The following CHP1 variants were observed in gnomAD, a reference collection of about 807,000 sequenced individuals.
CHP1 encodes the protein calcineurin B homologous protein 1.
CHP1 carries 11 observed loss-of-function variants against 27.4 expected under a neutral mutation model. The ratio of observed to expected loss-of-function variants is 0.40; its 90% CI spans 0.25 to 0.67. The LOEUF (loss-of-function observed/expected upper bound fraction) is 0.67. Among genes scored for constraint, CHP1 ranks in the 30% least tolerant of loss-of-function variants. CHP1 has a pLI of 0.38. For missense variants in CHP1, 169 were observed against 251.3 expected (o/e 0.67, Z 2.22); for synonymous variants, 89 against 87.4 (o/e 1.02, Z -0.10).
intron 5 of CHP1, 63 bp from the exon 6 acceptor site, chr15:41,278,704 A>G: frequency 6.2e-7 from 1 of 1,602,466 alleles, no homozygotes; most frequent in South Asian, 1.1e-5. Flanking sequence ...TTTATTTTTA[A>G]TCTTAGTAAA....
At chr15:41,273,484 C>T (rs528617401) in intron 5 of CHP1, among the ~76,000 whole-genome samples, 4 of 152,050 alleles carry the variant, frequency 2.6e-5, no homozygotes, top group South Asian at 2.1e-4. Context: ...CAAGTTCAAG[C>T]GATTCTCCTG....
intron 5 of CHP1, among the ~76,000 whole-genome samples, chr15:41,275,139 G>A (rs1365053882): frequency 6.6e-6 from 1 of 151,836 alleles, no homozygotes; most frequent in Non-Finnish European, 1.5e-5. Context: ...TACCTAAAAT[G>A]TACAACTTCC....
chr15:41,272,863 A>G (rs1305115542), intron 5 of CHP1, among the ~76,000 whole-genome samples: 1 of 151,538 alleles, frequency 6.6e-6, no homozygotes, highest in Non-Finnish European at 1.5e-5. Context: ...CCTGGCTAAC[A>G]TGGTGAAACC....
chr15:41,251,923 A>G (rs1184519041), intron 2 of CHP1, among the ~76,000 whole-genome samples: 1 of 150,658 alleles, frequency 6.6e-6, no homozygotes, highest in Non-Finnish European at 1.5e-5. Context: ...TGTATTTTTA[A>G]TAGAGACAGG....
intron 3 of CHP1, among the ~76,000 whole-genome samples, 165 bp downstream of exon 3, chr15:41,257,155 C>T (rs1323452372): frequency 1.3e-5 from 2 of 152,128 alleles, no homozygotes; most frequent in Non-Finnish European, 2.9e-5. Context: ...TTCTGTTCTA[C>T]CCTCCTGTGT....
chr15:41,264,256 T>G (rs1302816312), intron 4 of CHP1: 1 of 1,270,242 alleles, frequency 7.9e-7, no homozygotes, highest in African/African-American at 1.5e-5. Context: ...CCCCTCACTT[T>G]GATAAGTCAG....
intron 3 of CHP1, among the ~76,000 whole-genome samples, chr15:41,258,652 A>C (rs1458237200): frequency 1.3e-5 from 2 of 152,174 alleles, no homozygotes; most frequent in Admixed American, 1.3e-4. Context: ...TTTACTACCT[A>C]ATACACTGCC....
At chr15:41,256,634 T>G in intron 2 of CHP1, 1 of 445,350 alleles carries the variant, frequency 2.2e-6, no homozygotes. Context: ...GACAGCTTAG[T>G]ATTTGTCCAT....
intron 5 of CHP1, 93 bp downstream of exon 5, chr15:41,270,711 T>A: frequency 2.1e-6 from 2 of 968,244 alleles, no homozygotes; most frequent in Non-Finnish European, 3.3e-6. Context: ...AGCATTTATT[T>A]AATACCTGCT....
chr15:41,269,857 A>G (rs917065152), intron 4 of CHP1, among the ~76,000 whole-genome samples: 1 of 152,118 alleles, frequency 6.6e-6, no homozygotes, highest in Non-Finnish European at 1.5e-5. Flanking sequence ...TTGTCACGGC[A>G]CCTATAAAAT....
intron 1 of CHP1, among the ~76,000 whole-genome samples, chr15:41,235,287 G>T (rs1242760518): frequency 6.6e-6 from 1 of 152,098 alleles, no homozygotes; most frequent in African/African-American, 2.4e-5. Context: ...GGGAGGCCAA[G>T]GTGGCAGATC....
At chr15:41,271,984 C>T (rs1386142545) in intron 5 of CHP1, among the ~76,000 whole-genome samples, 1 of 152,242 alleles carries the variant, frequency 6.6e-6, no homozygotes, top group East Asian at 1.9e-4. Flanking sequence ...GCCTCGGCCT[C>T]TCAAAGTGTT....
chr15:41,258,636 A>G (rs1241966107), intron 3 of CHP1, among the ~76,000 whole-genome samples: 3 of 152,150 alleles, frequency 2.0e-5, no homozygotes, highest in Non-Finnish European at 4.4e-5. Flanking sequence ...TAGTCTTTTG[A>G]TATGCTTTAC....
intron 5 of CHP1, among the ~76,000 whole-genome samples, chr15:41,273,151 G>A (rs1446736316): frequency 6.6e-6 from 1 of 151,650 alleles, no homozygotes; most frequent in Non-Finnish European, 1.5e-5. Flanking sequence ...ACTGAATCCA[G>A]CAATATAAAA....
At position 41,260,042 on chromosome 15, in the gene CHP1, T is replaced by C. The variant is rs541047497; in HGVS notation, c.222-2714T>C. 1.2e-4 allele frequency among the ~76,000 whole-genome samples: 18 copies of C among 152,350 alleles called. No homozygotes were observed. The Middle Eastern group carries it at 0.01, about 86-fold the overall frequency. On this transcript the variant is annotated intron_variant, in intron 3 of 6. Transcript: ENST00000334660. ...ACTGCACCCAGCCAAGGTCATTCTT[T>C]TGAGTACAGATGGCTCACAGGCTAG...
intron 1 of CHP1, among the ~76,000 whole-genome samples, chr15:41,240,240 TG>T (rs1242570542): frequency 6.6e-6 from 1 of 152,168 alleles, no homozygotes; most frequent in East Asian, 1.9e-4. Context: ...ATCATTGTCC[TG>T]CTTCTGCCTC....
Position 41,279,442 on chromosome 15 carries a change from GTCC to G in CHP1, c.*58_*60del. The G allele has an allele frequency of 2.7e-6, 4 of 1,495,132 alleles. No individual in the cohort carries two copies. The highest frequency in any genetic ancestry group is 2.4e-4 in the Middle Eastern group (1 of 4,248). The allele number at this position is 1,495,132 out of a possible 1,614,324, so 92.6% of individuals were successfully genotyped here. The stretch of plus-strand genomic sequence containing the variant: ...AGTATTTAAGAACTGGAACTTGAAA[GTCC>G]TCCTTCTACCAACTCCACCTCCACC... On this transcript the variant is annotated 3_prime_UTR_variant, in exon 7 of 7. Transcript: ENST00000334660.
intron 2 of CHP1, 122 bp from the exon 3 acceptor site, chr15:41,256,788 G>T: frequency 1.3e-6 from 1 of 763,228 alleles, no homozygotes; most frequent in Non-Finnish European, 2.3e-6. Context: ...GGTATAATTT[G>T]CCACAGAAGT....
intron 2 of CHP1, among the ~76,000 whole-genome samples, chr15:41,246,939 A>T (rs2047338047): frequency 6.7e-6 from 1 of 148,538 alleles, no homozygotes; most frequent in Admixed American, 6.8e-5. Context: ...TAATCCCAGC[A>T]CTTTGGGAGG....
Sources: allele counts gnomAD v4.1 joint callset (sites outside exome capture counted in the v4.1 genomes callset), GRCh38; gene constraint gnomAD v4.1.1; transcripts MANE v1.5; gene names NCBI Gene and HGNC (gene_info 2026-07-23, HGNC 2026-07-21).